ANKS1B: variants seen among roughly 807,000 people sequenced by gnomAD.
ANKS1B encodes the protein ankyrin repeat and sterile alpha motif domain-containing protein 1B.
ANKS1B carries 36 observed loss-of-function variants against 148.3 expected under a neutral mutation model. The ratio of observed to expected loss-of-function variants is 0.24; its 90% CI spans 0.19 to 0.32. The LOEUF (loss-of-function observed/expected upper bound fraction) is 0.32. Ranked by LOEUF, ANKS1B falls within the 10% of genes least tolerant of loss-of-function variation. The pLI is 1.00. For missense variants in ANKS1B, 1,157 were observed against 1,542.6 expected (o/e 0.75, Z 4.19); for synonymous variants, 542 against 560.8 (o/e 0.97, Z 0.47).
chr12:99,512,145 A>C (rs2096772840), intron 9 of ANKS1B, among the ~76,000 whole-genome samples: 1 of 152,118 alleles, frequency 6.6e-6, no homozygotes, highest in African/African-American at 2.4e-5. Context: ...AGTGGGATAA[A>C]ATTTTTGCAA....
intron 10 of ANKS1B, among the ~76,000 whole-genome samples, chr12:99,464,269 A>G (rs185130495): frequency 6.6e-6 from 1 of 152,296 alleles, no homozygotes; most frequent in East Asian, 1.9e-4. Context: ...CAGAAAGGAC[A>G]TCCACACCAA....
At chr12:99,338,799 G>A (rs951716875) in intron 12 of ANKS1B, among the ~76,000 whole-genome samples, 1 of 152,142 alleles carries the variant, frequency 6.6e-6, no homozygotes, top group Non-Finnish European at 1.5e-5. Context: ...TCTGGTGCAG[G>A]GTATATCTAG....
intron 17 of ANKS1B, among the ~76,000 whole-genome samples, chr12:98,886,762 A>G (rs1332633953): frequency 6.6e-6 from 1 of 152,222 alleles, no homozygotes; most frequent in African/African-American, 2.4e-5. Flanking sequence ...GAGATATTCA[A>G]TGCTATTAAA....
Position 99,502,786 on chromosome 12 carries a change from C to T in ANKS1B, c.1438+1690G>A, listed in dbSNP as rs574865705. Reference sequence around the variant, plus strand: ...ACATAATAAATGCTCAATAAATTTACTATTTTCATTACTGCACTATTACCT... The same window carrying T: ...ACATAATAAATGCTCAATAAATTTATTATTTTCATTACTGCACTATTACCT... On this transcript the variant is annotated intron_variant, in intron 10 of 26. Coordinates refer to ENST00000683438, the MANE Select transcript of ANKS1B (RefSeq NM_001352186.2). Among the ~76,000 whole-genome samples, 10 of 152,266 alleles carry T rather than the reference C, an allele frequency of 6.6e-5. No individual in the cohort carries two copies. The South Asian group carries it at 2.1e-3, about 32-fold the overall frequency.
chr12:99,137,401 C>A (rs1386729865), intron 15 of ANKS1B, among the ~76,000 whole-genome samples: 4 of 152,152 alleles, frequency 2.6e-5, no homozygotes, highest in Middle Eastern at 3.2e-3. Context: ...CTGGGAGGTT[C>A]TGCACGAGTA....
chr12:98,834,788 T>C (rs985771761), intron 17 of ANKS1B, among the ~76,000 whole-genome samples: 3 of 152,222 alleles, frequency 2.0e-5, no homozygotes, highest in East Asian at 3.8e-4. Flanking sequence ...ATACGATCCA[T>C]AGAAATGCCC....
At chr12:98,967,878 C>T (rs916442106) in intron 17 of ANKS1B, among the ~76,000 whole-genome samples, 8 of 151,938 alleles carry the variant, frequency 5.3e-5, no homozygotes, top group African/African-American at 1.5e-4. Flanking sequence ...TCAGCTGACC[C>T]GGGGAGTACT....
chr12:99,755,522 A>G lies in ANKS1B; in HGVS notation c.1128+17400T>C, dbSNP rs1418913880. ...AGGCCAACATCATCCTGATACCAAA[A>G]CCTGGCAAAGATACCACAAAAAAAG... On this transcript the variant is annotated intron_variant, in intron 8 of 26. Transcript: ENST00000683438. Among the ~76,000 whole-genome samples the G allele has an allele frequency of 9.9e-5, 15 of 150,950 alleles. No homozygotes were observed. The Admixed American group carries it at 1.0e-3, about 10-fold the overall frequency.
At chr12:99,119,545 A>G (rs2062217617) in intron 15 of ANKS1B, among the ~76,000 whole-genome samples, 1 of 152,170 alleles carries the variant, frequency 6.6e-6, no homozygotes, top group Admixed American at 6.5e-5. Context: ...TTCCTTCATA[A>G]GCCTCCCAAA....
rs988316767 is a variant in ANKS1B, at chr12:99,139,535, T to C, written c.2526+14754A>G. On this transcript the variant is annotated intron_variant, in intron 15 of 26. Transcript: ENST00000683438. Reference sequence around the variant, plus strand: ...TCAGGCAATGCTCCTGATTCAGCCTTCCAAACTGGCTGGGATTACAGGTGC... The same window carrying C: ...TCAGGCAATGCTCCTGATTCAGCCTCCCAAACTGGCTGGGATTACAGGTGC... Among the ~76,000 whole-genome samples, 14 of 141,598 alleles carry C rather than the reference T, an allele frequency of 9.9e-5. No individual in the cohort carries two copies. In the East Asian group the frequency reaches 2.7e-3, roughly 27 times the overall value. The allele number at this position is 141,598 out of a possible 152,430, so 92.9% of individuals were successfully genotyped here. A position where few individuals can be genotyped will look rare whatever the true frequency, so the allele number is the denominator to read the frequency against.
intron 9 of ANKS1B, among the ~76,000 whole-genome samples, chr12:99,565,497 T>A (rs2097380668): frequency 6.6e-6 from 1 of 152,186 alleles, no homozygotes; most frequent in Non-Finnish European, 1.5e-5. Context: ...GGTCACTGTT[T>A]CAAAGGAGTT....
chr12:98,945,957 C>T (rs556870815), intron 17 of ANKS1B, among the ~76,000 whole-genome samples: 2 of 152,304 alleles, frequency 1.3e-5, no homozygotes, highest in African/African-American at 4.8e-5. Flanking sequence ...GAGGCATGGA[C>T]ACTGGGTTTG....
chr12:99,382,718 AGAGAG>A (rs1246806157), intron 12 of ANKS1B, among the ~76,000 whole-genome samples: 111 of 72,402 alleles, frequency 1.5e-3, no homozygotes, highest in South Asian at 0.013. Context: ...AAAAAAAAAA[AGAGAG>A]AGAGAGAGAG....
chr12:99,889,419 A>C (rs1357304238), intron 1 of ANKS1B, among the ~76,000 whole-genome samples: 2 of 152,234 alleles, frequency 1.3e-5, no homozygotes, highest in Admixed American at 6.5e-5. Flanking sequence ...AGTTAAGTTT[A>C]GAAAAATGCA....
intron 12 of ANKS1B, among the ~76,000 whole-genome samples, chr12:99,276,995 C>T (rs900611153): frequency 1.3e-5 from 2 of 152,160 alleles, no homozygotes; most frequent in South Asian, 2.1e-4. Flanking sequence ...CGTCTACATT[C>T]CCCTTTCTTG....
chr12:99,200,453 G>A lies in ANKS1B; in HGVS notation c.2419+43889C>T, dbSNP rs115981750. Reference sequence around the variant, plus strand: ...AATTTAATAGTAGAACTATGTAGCAGATTCTAGTCTTTCTAAGCAGGAATG... The same window carrying A: ...AATTTAATAGTAGAACTATGTAGCAAATTCTAGTCTTTCTAAGCAGGAATG... On this transcript the variant is annotated intron_variant, in intron 14 of 26. Transcript: ENST00000683438. Among the ~76,000 whole-genome samples the A allele has an allele frequency of 8.6e-3, 1,316 of 152,298 alleles. 23 individuals carry two copies. The highest frequency in any genetic ancestry group is 0.03 in the African/African-American group (1,263 of 41,550).
rs2099953434 is a variant in ANKS1B, at chr12:99,033,285, T to C, written c.2778+19872A>G. ...GTTGCCTTATTCAACACCATTTATT[T>C]ATTCAATCAAGTAATCATTATGCAC... On this transcript the variant is annotated intron_variant, in intron 17 of 26. Transcript: ENST00000683438. Among the ~76,000 whole-genome samples the C allele has an allele frequency of 2.6e-5, 4 of 152,332 alleles. No homozygotes were observed. The South Asian group carries it at 8.3e-4, about 32-fold the overall frequency.
intron 4 of ANKS1B, among the ~76,000 whole-genome samples, chr12:99,783,045 G>T (rs1243897225): frequency 6.6e-6 from 1 of 152,030 alleles, no homozygotes; most frequent in Non-Finnish European, 1.5e-5. Context: ...AAAAAAATTA[G>T]CCAGGCGTGG....
intron 9 of ANKS1B, among the ~76,000 whole-genome samples, chr12:99,507,470 G>A (rs2096722976): frequency 6.6e-6 from 1 of 151,866 alleles, no homozygotes; most frequent in Non-Finnish European, 1.5e-5. Context: ...TGAAAATCAA[G>A]CATGCTGAGA....
Sources: allele counts gnomAD v4.1 joint callset (sites outside exome capture counted in the v4.1 genomes callset), GRCh38; gene constraint gnomAD v4.1.1; transcripts MANE v1.5; gene names NCBI Gene and HGNC (gene_info 2026-07-23, HGNC 2026-07-21).